The following EIF5A2 variants were observed in gnomAD, a reference collection of about 807,000 sequenced individuals.
EIF5A2 encodes eukaryotic translation initiation factor 5A-2.
In EIF5A2, 15 loss-of-function variants were observed where a neutral mutation model predicts 16.4. The observed-to-expected ratio is 0.92, with a 90% CI of 0.61 to 1.41. EIF5A2 has a LOEUF of 1.41. Among genes scored for constraint, EIF5A2 ranks in the 40% most tolerant of loss-of-function variants. The pLI is 0.00. For synonymous variants in EIF5A2, 48 were observed against 61.1 expected (o/e 0.79, Z 1.00); for missense variants, 144 against 189.5 (o/e 0.76, Z 1.41).
chr3:170,894,856 C>G (rs1041430161), intron 3 of EIF5A2, among the ~76,000 whole-genome samples: 14 of 151,294 alleles, frequency 9.3e-5, no homozygotes, highest in African/African-American at 3.4e-4. Flanking sequence ...GAAACCCCAT[C>G]TCTACTAAAA....
rs531464531 is a variant in EIF5A2 at position 170,888,603 on chromosome 3, A to G, written c.*4757T>C. 1 of 152,678 alleles carries G rather than the reference A, an allele frequency of 6.5e-6. No individual in the cohort carries two copies. The highest frequency in any genetic ancestry group is 1.9e-4 in the East Asian group (1 of 5,192). The allele number at this position is 152,678 out of a possible 1,614,324, so 9.5% of individuals were successfully genotyped here. Reference sequence around the variant, plus strand: ...AAAATGTACAATTAGTAATACCCATACTACGTATTTTAGAATTTTAAAGTT... The same window carrying G: ...AAAATGTACAATTAGTAATACCCATGCTACGTATTTTAGAATTTTAAAGTT... On this transcript the variant is annotated 3_prime_UTR_variant, in exon 5 of 5. Coordinates refer to ENST00000295822, the MANE Select transcript of EIF5A2 (RefSeq NM_020390.6).
At position 170,890,346 on chromosome 3, in the gene EIF5A2, C is replaced by T. The variant is rs1466508024; in HGVS notation, c.*3014G>A. On this transcript the variant is annotated 3_prime_UTR_variant, in exon 5 of 5. Coordinates refer to ENST00000295822, the MANE Select transcript of EIF5A2 (RefSeq NM_020390.6). ...ATTTTACAGCCTAATCATTTTATTG[C>T]AGTATCTCCTATTATAGATATCATG... The T allele has an allele frequency of 1.3e-5, 2 of 152,014 alleles. No homozygotes were observed. The highest frequency in any genetic ancestry group is 4.8e-5 in the African/African-American group (2 of 41,416). 9.4% of individuals were successfully genotyped at this position (152,014 alleles called of 1,614,324 possible).
intron 3 of EIF5A2, among the ~76,000 whole-genome samples, chr3:170,904,996 C>CTT (rs2108296471): frequency 6.6e-6 from 1 of 152,310 alleles, no homozygotes; most frequent in Admixed American, 6.5e-5. Context: ...AAATCATCCT[C>CTT]TTATCCACTT....
In EIF5A2 at chr3:170,892,952, A is replaced by T. The variant is rs886605176; in HGVS notation, c.*408T>A. The T allele has an allele frequency of 2.5e-6, 1 of 399,404 alleles. No individual in the cohort carries two copies. Among genetic ancestry groups the T allele is most frequent in the Non-Finnish European group, 4.4e-6 (1 of 226,792 alleles). The allele number at this position is 399,404 out of a possible 1,614,324, so 24.7% of individuals were successfully genotyped here. On this transcript the variant is annotated 3_prime_UTR_variant, in exon 5 of 5. Transcript: ENST00000295822. ...ATATAATCAGTTCATTTTATATTAA[A>T]TCTGTAATTAATGCAGAGCAGTTCA...
At chr3:170,898,599 T>C (rs1712730495) in intron 3 of EIF5A2, among the ~76,000 whole-genome samples, 1 of 151,496 alleles carries the variant, frequency 6.6e-6, no homozygotes, top group Non-Finnish European at 1.5e-5. Flanking sequence ...TCCCCAGCCA[T>C]GTGGAACTGT....
chr3:170,893,250 A>C lies in EIF5A2; in HGVS notation c.*110T>G. On this transcript the variant is annotated 3_prime_UTR_variant, in exon 5 of 5. Transcript: ENST00000295822. ...CCCAGCACAATCTGAAAACAATTAA[A>C]AAAAGAAATGAGGTTGCTTATGAAG... 9.3e-7 allele frequency: 1 copy of C among 1,070,592 alleles called. No homozygotes were observed. The allele number at this position is 1,070,592 out of a possible 1,614,324, so 66.3% of individuals were successfully genotyped here.
intron 4 of EIF5A2, among the ~76,000 whole-genome samples, chr3:170,893,825 G>A (rs1712593803): frequency 6.6e-6 from 1 of 152,166 alleles, no homozygotes; most frequent in South Asian, 2.1e-4. Flanking sequence ...CTGAGGTCAG[G>A]AGTTCAAAAC....
chr3:170,892,388 C>A lies in EIF5A2; in HGVS notation c.*972G>T. 1 of 150,838 alleles carries A rather than the reference C, an allele frequency of 6.6e-6. No homozygotes were observed. The highest frequency in any genetic ancestry group is 2.5e-5 in the African/African-American group (1 of 39,310). The allele number at this position is 150,838 out of a possible 1,614,324, so 9.3% of individuals were successfully genotyped here. On this transcript the variant is annotated 3_prime_UTR_variant, in exon 5 of 5. Transcript: ENST00000295822. ...AGGTTGCAGTGAGCCGAGATTGCAC[C>A]ACTGCACTCCAGCCTGGCTGATGGA... is the stretch of plus-strand genomic sequence containing the variant.
chr3:170,894,998 CCTGGGCGACAGAGCGAGA>C (rs1712632305), intron 3 of EIF5A2, among the ~76,000 whole-genome samples: 1 of 142,734 alleles, frequency 7.0e-6, no homozygotes, highest in African/African-American at 2.6e-5. Flanking sequence ...TGCACTCCAG[CCTGGGCGACAGAGCGAGA>C]CTCTGTCTCA....
At position 170,893,313 on chromosome 3, in the gene EIF5A2, C is replaced by T. The variant is rs1348775777; in HGVS notation, c.*47G>A. 2 of 1,595,408 alleles carry T rather than the reference C, an allele frequency of 1.3e-6. No homozygotes were observed. Among genetic ancestry groups the T allele is most frequent in the South Asian group, 1.1e-5 (1 of 89,018 alleles). Reference sequence around the variant, plus strand: ...GTGACAACTTAGAACCAAATTAGATCTGCAGTTGATTCAGACATAAACAGT... The same window carrying T: ...GTGACAACTTAGAACCAAATTAGATTTGCAGTTGATTCAGACATAAACAGT... On this transcript the variant is annotated 3_prime_UTR_variant, in exon 5 of 5. Transcript: ENST00000295822.
At chr3:170,898,449 A>T (rs1231223680) in intron 3 of EIF5A2, among the ~76,000 whole-genome samples, 2 of 152,096 alleles carry the variant, frequency 1.3e-5, no homozygotes, top group Non-Finnish European at 2.9e-5. Flanking sequence ...TGTTCTCATG[A>T]TAGTAAGTGA....
At chr3:170,901,722 G>T (rs560819765) in intron 3 of EIF5A2, among the ~76,000 whole-genome samples, 2 of 152,170 alleles carry the variant, frequency 1.3e-5, no homozygotes, top group South Asian at 4.2e-4. Context: ...TTACCGGCGT[G>T]AGCCACAGTG....
chr3:170,892,656 T>G lies in EIF5A2; in HGVS notation c.*704A>C. 1 of 397,838 alleles carries G rather than the reference T, an allele frequency of 2.5e-6. No individual in the cohort carries two copies. Among genetic ancestry groups the G allele is most frequent in the Non-Finnish European group, 4.4e-6 (1 of 225,784 alleles). 24.6% of individuals were successfully genotyped at this position (397,838 alleles called of 1,614,324 possible). On this transcript the variant is annotated 3_prime_UTR_variant, in exon 5 of 5. Transcript: ENST00000295822. ...AAAAACTTATAGATTTAATCAACCC[T>G]CTTTGCCACTGTCTTTTGTGTCTTC... is the stretch of plus-strand genomic sequence containing the variant.
chr3:170,901,578 G>A (rs1275968551), intron 3 of EIF5A2, among the ~76,000 whole-genome samples: 2 of 119,792 alleles, frequency 1.7e-5, no homozygotes, highest in Admixed American at 1.7e-4. Flanking sequence ...TTTTTTTTTT[G>A]AGATGGAGTC....
intron 3 of EIF5A2, among the ~76,000 whole-genome samples, chr3:170,903,073 T>C (rs1413686415): frequency 2.6e-5 from 4 of 152,168 alleles, no homozygotes; most frequent in African/African-American, 9.7e-5. Context: ...GAAGTCTTAA[T>C]ATGTTTCCCA....
intron 3 of EIF5A2, among the ~76,000 whole-genome samples, chr3:170,897,582 T>G (rs1012069221): frequency 1.3e-5 from 2 of 152,148 alleles, no homozygotes; most frequent in African/African-American, 4.8e-5. Context: ...CATGTGGTGT[T>G]GGGCCTGCAG....
At chr3:170,903,496 G>A (rs1712861597) in intron 3 of EIF5A2, among the ~76,000 whole-genome samples, 2 of 152,104 alleles carry the variant, frequency 1.3e-5, no homozygotes, top group African/African-American at 2.4e-5. Flanking sequence ...AGAATACACA[G>A]GTCTAGGAAC....
At chr3:170,907,477 A>G (rs910968918) in intron 2 of EIF5A2, among the ~76,000 whole-genome samples, 165 bp downstream of exon 2, 1 of 152,226 alleles carries the variant, frequency 6.6e-6, no homozygotes, top group East Asian at 1.9e-4. Flanking sequence ...AGGGAATGCT[A>G]CCTTTAAGTA....
At chr3:170,896,237 A>G in intron 3 of EIF5A2, among the ~76,000 whole-genome samples, 1 of 152,388 alleles carries the variant, frequency 6.6e-6, no homozygotes, top group South Asian at 2.1e-4. Context: ...GTACAAATAT[A>G]TAAAACATCT....
Sources: gnomAD v4.1 joint callset for allele counts (sites outside exome capture counted in the v4.1 genomes callset) on GRCh38, gnomAD v4.1.1 for gene constraint, MANE v1.5 for transcripts, NCBI Gene and HGNC (gene_info 2026-07-23, HGNC 2026-07-21) for gene names.